NCOA2: variants seen among roughly 807,000 people sequenced by gnomAD.
NCOA2 encodes nuclear receptor coactivator 2.
A neutral mutation model predicts 145.1 loss-of-function variants in NCOA2; 21 were observed. The observed-to-expected ratio is 0.14, with a 90% confidence interval of 0.10 to 0.21. The LOEUF is 0.21. Ranked by LOEUF, NCOA2 falls within the 10% of genes least tolerant of loss-of-function variation. The probability of loss-of-function intolerance (pLI) is 1.00; values close to 1 mark genes in which losing one functional copy is unlikely to be tolerated. For synonymous variants in NCOA2, 619 were observed against 637.5 expected (o/e 0.97, Z 0.44); for missense variants, 1,472 against 1,837.6 (o/e 0.80, Z 3.64).
Position 70,111,470 on chromosome 8 carries a change from G to C in NCOA2, c.*2162C>G. 1 of 219,178 alleles carries C rather than the reference G, an allele frequency of 4.6e-6. No homozygotes were observed. The highest frequency in any genetic ancestry group is 9.2e-6 in the Non-Finnish European group (1 of 109,184). 13.6% of individuals were successfully genotyped at this position (219,178 alleles called of 1,614,324 possible). ...GTCCTGGAGTTCTGGGCCAACATCTGCTTGTTTTTTCCATCACAGTTGGGC... is the reference window on the plus strand; with the variant it reads ...GTCCTGGAGTTCTGGGCCAACATCTCCTTGTTTTTTCCATCACAGTTGGGC... On this transcript the variant is annotated 3_prime_UTR_variant, in exon 23 of 23. Transcript: ENST00000452400.
chr8:70,242,273 T>C (rs1822202887), intron 2 of NCOA2, among the ~76,000 whole-genome samples: 1 of 152,162 alleles, frequency 6.6e-6, no homozygotes, highest in Non-Finnish European at 1.5e-5. Flanking sequence ...GAAACAATCA[T>C]TCAATGTCAA....
chr8:70,227,601 A>G (rs1209321227), intron 2 of NCOA2, among the ~76,000 whole-genome samples: 1 of 152,230 alleles, frequency 6.6e-6, no homozygotes, highest in African/African-American at 2.4e-5. Context: ...TCAGATCATT[A>G]CAATTATTCT....
intron 2 of NCOA2, among the ~76,000 whole-genome samples, chr8:70,289,896 T>C (rs1283615816): frequency 6.6e-6 from 1 of 152,004 alleles, no homozygotes; most frequent in Non-Finnish European, 1.5e-5. Flanking sequence ...TATTCACAGG[T>C]AATCAGGACA....
intron 4 of NCOA2, among the ~76,000 whole-genome samples, chr8:70,205,779 G>C (rs991671443): frequency 6.6e-6 from 1 of 152,168 alleles, no homozygotes; most frequent in Non-Finnish European, 1.5e-5. Flanking sequence ...GTCTTCTATG[G>C]TGAGGGTTCT....
intron 2 of NCOA2, among the ~76,000 whole-genome samples, chr8:70,258,397 C>T (rs1395225949): frequency 6.6e-6 from 1 of 152,176 alleles, no homozygotes; most frequent in Non-Finnish European, 1.5e-5. Context: ...CTCTCATAAA[C>T]GTATCTCCCT....
chr8:70,350,378 G>C (rs1809069315), intron 1 of NCOA2, among the ~76,000 whole-genome samples: 1 of 151,948 alleles, frequency 6.6e-6, no homozygotes, highest in Non-Finnish European at 1.5e-5. Context: ...TCTGCAGTTA[G>C]GTTTTTTTCC....
At chr8:70,272,235 C>T (rs888449693) in intron 2 of NCOA2, among the ~76,000 whole-genome samples, 1 of 152,048 alleles carries the variant, frequency 6.6e-6, no homozygotes, top group Non-Finnish European at 1.5e-5. Flanking sequence ...CTTTCATCAC[C>T]AGTATTCTGC....
At chr8:70,353,254 G>GCT (rs1167431263) in intron 1 of NCOA2, among the ~76,000 whole-genome samples, 1 of 151,286 alleles carries the variant, frequency 6.6e-6, no homozygotes, top group Non-Finnish European at 1.5e-5. Flanking sequence ...ACATGTGTTT[G>GCT]TTTTTGTTTT....
chr8:70,444,723 C>T, the NCOA2 span, among the ~76,000 whole-genome samples: 3 of 152,174 alleles, frequency 2.0e-5, no homozygotes, highest in South Asian at 6.2e-4. Context: ...AGCAATTTCT[C>T]TGAACCTGGG....
chr8:70,279,861 A>G (rs1011901631), intron 2 of NCOA2, among the ~76,000 whole-genome samples: 1 of 152,162 alleles, frequency 6.6e-6, no homozygotes, highest in African/African-American at 2.4e-5. Context: ...CAACACAAGA[A>G]AGTAGAGAAA....
chr8:70,294,311 T>C (rs1308750360), intron 2 of NCOA2, among the ~76,000 whole-genome samples: 1 of 152,164 alleles, frequency 6.6e-6, no homozygotes, highest in Admixed American at 6.5e-5. Context: ...GCAAGAAAAG[T>C]GATTTATCCA....
At chr8:70,243,977 TATAA>T (rs1436553633) in intron 2 of NCOA2, among the ~76,000 whole-genome samples, 6 of 152,048 alleles carry the variant, frequency 3.9e-5, no homozygotes, top group Non-Finnish European at 8.8e-5. Context: ...GGCTTGTAGA[TATAA>T]AGAAGAATCT....
chr8:70,209,073 A>AT (rs1220067564), intron 4 of NCOA2, among the ~76,000 whole-genome samples: 6 of 152,248 alleles, frequency 3.9e-5, no homozygotes, highest in African/African-American at 1.4e-4. Context: ...TCATGATTCC[A>AT]TGGGAGGAGG....
At chr8:70,340,897 T>C (rs192271805) in intron 1 of NCOA2, among the ~76,000 whole-genome samples, 58 of 151,984 alleles carry the variant, frequency 3.8e-4, no homozygotes, top group African/African-American at 1.3e-3. Flanking sequence ...CATGGACACA[T>C]GGTAGGGAAC....
At chr8:70,352,017 T>G (rs1257567676) in intron 1 of NCOA2, among the ~76,000 whole-genome samples, 1 of 152,124 alleles carries the variant, frequency 6.6e-6, no homozygotes, top group Non-Finnish European at 1.5e-5. Flanking sequence ...AATTATGCTT[T>G]TTTTCAATTT....
chr8:70,138,126 A>T, intron 15 of NCOA2, 77 bp downstream of exon 15: 1 of 1,482,412 alleles, frequency 6.7e-7, no homozygotes, highest in Non-Finnish European at 9.1e-7. Context: ...CTGGTCAGGC[A>T]CCGACTACTC....
chr8:70,182,977 T>C (rs144737094), intron 4 of NCOA2, among the ~76,000 whole-genome samples: 4 of 152,248 alleles, frequency 2.6e-5, no homozygotes, highest in East Asian at 3.8e-4. Flanking sequence ...ACATTTATTA[T>C]GGCAGCATTC....
intron 2 of NCOA2, among the ~76,000 whole-genome samples, chr8:70,292,945 G>C (rs1826806443): frequency 6.6e-6 from 1 of 152,196 alleles, no homozygotes; most frequent in South Asian, 2.1e-4. Context: ...GAGTTCAGTA[G>C]TCCGTTCTGC....
At position 70,121,387 on chromosome 8, in the gene NCOA2, T is replaced by C. The variant is rs780386461; in HGVS notation, c.4298A>G (p.Asn1433Ser). ...GLSSMGPEQVNDPALRGGNLF... is the reference protein window; with the variant it reads ...GLSSMGPEQVSDPALRGGNLF... ...GTTGCCTCCCCTCAGAGCAGGATCA[T>C]TAACCTAAGGACAAGAAGACAGGAC... Residue 1433 changes from asparagine to serine, a missense_variant, in exon 22 of 23, where the codon AAT becomes AGT. By Grantham distance (46) the Asn-to-Ser change is conservative. Around this residue, in one of 4 missense-constraint regions of NCOA2, gnomAD observed 232 missense variants for 290.6 expected, o/e 0.80. Coordinates refer to ENST00000452400, the MANE Select transcript of NCOA2 (RefSeq NM_006540.4). 3.7e-6 allele frequency: 6 copies of C among 1,610,496 alleles called. No homozygotes were observed. In the East Asian group the frequency reaches 6.7e-5, roughly 18 times the overall value.
Sources: allele counts gnomAD v4.1 joint callset (sites outside exome capture counted in the v4.1 genomes callset), GRCh38; gene constraint gnomAD v4.1.1; regional missense constraint gnomAD v4.1.1; transcripts MANE v1.5; gene names NCBI Gene and HGNC (gene_info 2026-07-23, HGNC 2026-07-21).